The following LAMB1 variants were observed in gnomAD, a reference collection of about 807,000 sequenced individuals.
The protein encoded by LAMB1 is laminin subunit beta-1.
In LAMB1, 121 loss-of-function variants were observed where a neutral mutation model predicts 222.3. The ratio of observed to expected loss-of-function variants is 0.54; its 90% CI spans 0.47 to 0.63. LAMB1 has a LOEUF of 0.63. Among genes scored for constraint, LAMB1 ranks in the 30% least tolerant of loss-of-function variants. The probability of loss-of-function intolerance (pLI) is 0.00; values close to 1 mark genes in which losing one functional copy is unlikely to be tolerated. For missense variants in LAMB1, 2,172 were observed against 2,240.8 expected, an observed-to-expected ratio of 0.97 and a Z score of 0.62; for synonymous variants, 794 against 807.2, an observed-to-expected ratio of 0.98 and a Z score of 0.28.
Position 107,962,993 on chromosome 7 carries a change from C to A in LAMB1, c.1769G>T (p.Arg590Leu). 1.2e-6 allele frequency: 2 copies of A among 1,613,982 alleles called. No homozygotes were observed. The highest frequency in any genetic ancestry group is 2.2e-5 in the South Asian group (2 of 91,060). Residue 590 changes from arginine to leucine, a missense_variant, in exon 15 of 34, where the codon CGA (arginine) becomes CTA (leucine). Coordinates refer to ENST00000222399, the MANE Select transcript of LAMB1 (RefSeq NM_002291.3). ...CTCCAAATAAGCCCCTTCAGGCACT[C>A]GGACGAAGCCGGCTCCAGTCCAGGA... Reference protein sequence around the residue: ...IPSWTGAGFVRVPEGAYLEFF... With the variant: ...IPSWTGAGFVLVPEGAYLEFF...
At chr7:107,960,835 T>TAC (rs1213222627) in intron 17 of LAMB1, among the ~76,000 whole-genome samples, 186 bp from the exon 18 acceptor site, 1 of 152,218 alleles carries the variant, frequency 6.6e-6, no homozygotes, top group Admixed American at 6.5e-5. Flanking sequence ...AGATATGTTT[T>TAC]ACACAGCTTG....
chr7:107,944,393 C>T (rs1302150427), intron 24 of LAMB1, among the ~76,000 whole-genome samples: 1 of 152,176 alleles, frequency 6.6e-6, no homozygotes, highest in Non-Finnish European at 1.5e-5. Context: ...AATGAGCTAG[C>T]AGAGCTTCGG....
chr7:107,951,443 G>T, intron 23 of LAMB1, 121 bp from the exon 24 acceptor site: 1 of 832,212 alleles, frequency 1.2e-6, no homozygotes, highest in South Asian at 1.7e-5. Context: ...GGTCTCCATT[G>T]ACTAGGAAAA....
chr7:107,985,940 A>T (rs1057093986), intron 7 of LAMB1, 82 bp downstream of exon 7: 1 of 1,091,362 alleles, frequency 9.2e-7, no homozygotes, highest in Non-Finnish European at 1.4e-6. Flanking sequence ...CTGGGCAACA[A>T]GAGCGGAACT....
At position 107,988,126 on chromosome 7, in the gene LAMB1, T is replaced by A. The variant is rs148369519; in HGVS notation, c.424-1763A>T. ...GATGGAACTGACCACTCTGAAAATT[T>A]AGTGACAGAAGACTCTATTGAATTA... On this transcript the variant is annotated intron_variant, in intron 5 of 33. Transcript: ENST00000222399. 2.5e-3 allele frequency among the ~76,000 whole-genome samples: 378 copies of A among 152,310 alleles called. 4 individuals carry two copies. The highest frequency in any genetic ancestry group is 8.7e-3 in the African/African-American group (362 of 41,582).
chr7:107,964,782 G>A (rs1489678815), intron 13 of LAMB1, 95 bp from the exon 14 acceptor site: 1 of 1,331,366 alleles, frequency 7.5e-7, no homozygotes, highest in East Asian at 2.4e-5. Context: ...CAGTACACAG[G>A]ACCAAATACA....
rs769833730 is a variant in LAMB1, at chr7:107,978,076, G to A, written c.971C>T (p.Ala324Val). 1.2e-6 allele frequency: 2 copies of A among 1,614,042 alleles called. No homozygotes were observed. ...ACAGGCGTTGCTGTTTCGGCCTTCA[G>A]CAGGTCTCCAAGGTAAATCATGGTA... ...DFYHDLPWRP[A>V]EGRNSNACKK... The change falls in exon 9 of 34, where the codon GCT (alanine) becomes GTT (valine). Residue 324 changes from alanine to valine, a missense_variant. Transcript: ENST00000222399.
chr7:107,956,799 C>T (rs1368456560), intron 20 of LAMB1, among the ~76,000 whole-genome samples: 32 of 152,138 alleles, frequency 2.1e-4, no homozygotes, highest in Non-Finnish European at 2.6e-4. Context: ...CAGGTGGTTC[C>T]AAACTCAGGC....
intron 24 of LAMB1, among the ~76,000 whole-genome samples, chr7:107,947,926 C>T (rs905491922): frequency 2.0e-5 from 3 of 151,524 alleles, no homozygotes; most frequent in Non-Finnish European, 4.4e-5. Flanking sequence ...AAAGGAGAGA[C>T]AGTATCTACT....
chr7:107,957,981 T>C (rs141571652), intron 20 of LAMB1, among the ~76,000 whole-genome samples: 26 of 152,184 alleles, frequency 1.7e-4, no homozygotes, highest in Non-Finnish European at 2.8e-4. Flanking sequence ...CATTCTGACA[T>C]GATGTTCGTT....
At position 108,001,473 on chromosome 7, in the gene LAMB1, G is replaced by A. The variant is rs975460106; in HGVS notation, c.213+85C>T. 5 of 1,388,942 alleles carry A rather than the reference G, an allele frequency of 3.6e-6. No individual in the cohort carries two copies. In the African/African-American group the frequency reaches 5.8e-5, roughly 16 times the overall value. The allele number at this position is 1,388,942 out of a possible 1,614,324, so 86.0% of individuals were successfully genotyped here. A position where few individuals can be genotyped will look rare whatever the true frequency, so the allele number is the denominator to read the frequency against. ...GCGCTTCCTATCTGGATTGCTGGAA[G>A]GATGCGGAGTCCCCAGGGCCTGCCC... is the stretch of plus-strand genomic sequence containing the variant. On this transcript the variant is annotated intron_variant, in intron 3 of 33. Transcript: ENST00000222399.
intron 5 of LAMB1, among the ~76,000 whole-genome samples, chr7:107,992,622 C>T (rs994338521): frequency 2.6e-5 from 4 of 152,158 alleles, no homozygotes; most frequent in Admixed American, 6.5e-5. Flanking sequence ...ACAGGCCAGG[C>T]GCGGTAGGCA....
At chr7:107,986,555 A>C (rs750748353) in intron 5 of LAMB1, among the ~76,000 whole-genome samples, 192 bp from the exon 6 acceptor site, 1 of 152,198 alleles carries the variant, frequency 6.6e-6, no homozygotes, top group Non-Finnish European at 1.5e-5. Flanking sequence ...GAAAATGTCT[A>C]ACCTCTAAAA....
At chr7:107,966,503 C>T (rs1343214478) in intron 13 of LAMB1, among the ~76,000 whole-genome samples, 1 of 152,168 alleles carries the variant, frequency 6.6e-6, no homozygotes, top group Non-Finnish European at 1.5e-5. Context: ...GCCACCACGC[C>T]CAGCCAGGAA....
chr7:107,964,561 G>A lies in LAMB1; in HGVS notation c.1689C>T (p.Asn563=). The part of the protein sequence containing the change: ...DHYLYEAEEA[N]LGPGVSIVER... ...ACACTCCCCTACTCACAGGCCCCAA[G>A]TTGGCTTCCTCCGCTTCATAGAGGT... The change falls in exon 14 of 34, where the codon AAC becomes AAT. Residue 563 remains asparagine (N), a synonymous_variant. Transcript: ENST00000222399. 1 of 1,614,142 alleles carries A rather than the reference G, an allele frequency of 6.2e-7. No homozygotes were observed. Among genetic ancestry groups the A allele is most frequent in the South Asian group, 1.1e-5 (1 of 91,084 alleles).
chr7:107,943,670 G>A (rs1030825277), intron 24 of LAMB1, among the ~76,000 whole-genome samples: 5 of 152,068 alleles, frequency 3.3e-5, no homozygotes, highest in Non-Finnish European at 1.5e-5. Flanking sequence ...TCTGGGTGGG[G>A]CCCAGAACTA....
chr7:107,996,609 T>G (rs191271379), intron 4 of LAMB1, among the ~76,000 whole-genome samples: 1 of 152,348 alleles, frequency 6.6e-6, no homozygotes, highest in East Asian at 1.9e-4. Context: ...CAGTCTAATC[T>G]CATCTAATCT....
chr7:107,963,193 A>T, intron 14 of LAMB1, 130 bp from the exon 15 acceptor site: 1 of 794,124 alleles, frequency 1.3e-6, no homozygotes, highest in Non-Finnish European at 2.0e-6. Flanking sequence ...TTTTATAGTC[A>T]AATCTCCCCT....
At chr7:107,976,934 CTTCCT>C (rs1168427516) in intron 9 of LAMB1, among the ~76,000 whole-genome samples, 3 of 126,038 alleles carry the variant, frequency 2.4e-5, no homozygotes, top group Non-Finnish European at 1.6e-5. Flanking sequence ...TCTCTCCTTC[CTTCCT>C]TTCCTCTCCC....
Sources: gnomAD v4.1 joint callset for allele counts (sites outside exome capture counted in the v4.1 genomes callset) on GRCh38, gnomAD v4.1.1 for gene constraint, MANE v1.5 for transcripts, NCBI Gene and HGNC (gene_info 2026-07-23, HGNC 2026-07-21) for gene names.